NELL1: variants seen among roughly 807,000 people sequenced by gnomAD.
NELL1 encodes neural EGFL like 1, also known as protein kinase C-binding protein NELL1.
A neutral mutation model predicts 107.4 loss-of-function variants in NELL1; 76 were observed. The ratio of observed to expected loss-of-function variants is 0.71; its 90% CI spans 0.59 to 0.86. The LOEUF is 0.86. NELL1 is among the 40% of genes least tolerant of loss of function. NELL1 has a pLI of 0.00. For synonymous variants in NELL1, 353 were observed against 341.2 expected (o/e 1.03, Z -0.38); for missense variants, 1,024 against 1,005.5 (o/e 1.02, Z -0.25).
chr11:21,509,535 G>A (rs1161859291), intron 15 of NELL1, among the ~76,000 whole-genome samples: 1 of 152,064 alleles, frequency 6.6e-6, no homozygotes, highest in Non-Finnish European at 1.5e-5. Context: ...TTTTCAAGAT[G>A]GGTAAATATC....
At chr11:21,385,711 A>T (rs1851729821) in intron 15 of NELL1, among the ~76,000 whole-genome samples, 2 of 151,910 alleles carry the variant, frequency 1.3e-5, no homozygotes, top group Non-Finnish European at 2.9e-5. Flanking sequence ...TGCTGAAAAA[A>T]CTTAAATGGT....
At position 21,350,637 on chromosome 11, in the gene NELL1, G is replaced by T. The variant is rs764910613; in HGVS notation, c.1550-20216G>T. Among the ~76,000 whole-genome samples the T allele has an allele frequency of 3.9e-4, 60 of 152,256 alleles. 1 individual carries two copies. The Middle Eastern group carries it at 0.01, about 26-fold the overall frequency. ...GTTTTTTAAGTTTACTCTGGGATTT[G>T]TAATTAATTTATTCAATAAGGAGTG... On this transcript the variant is annotated intron_variant, in intron 14 of 19. Coordinates refer to ENST00000357134, the MANE Select transcript of NELL1 (RefSeq NM_006157.5).
chr11:20,869,258 TATG>T (rs1210120334), intron 4 of NELL1, among the ~76,000 whole-genome samples: 1 of 152,172 alleles, frequency 6.6e-6, no homozygotes, highest in African/African-American at 2.4e-5. Flanking sequence ...GAGCATTGTT[TATG>T]ATATCTATAT....
intron 15 of NELL1, among the ~76,000 whole-genome samples, chr11:21,415,958 A>G (rs1852509052): frequency 6.6e-6 from 1 of 151,990 alleles, no homozygotes; most frequent in Non-Finnish European, 1.5e-5. Context: ...GGACGGAGGG[A>G]AGCTTCTTGA....
intron 11 of NELL1, among the ~76,000 whole-genome samples, chr11:20,950,683 T>G (rs1385161344): frequency 1.3e-5 from 2 of 152,212 alleles, no homozygotes; most frequent in Admixed American, 6.5e-5. Flanking sequence ...GTAAAGTAAT[T>G]TGTATCCTGC....
intron 13 of NELL1, among the ~76,000 whole-genome samples, chr11:21,194,831 C>A (rs16907660): frequency 0.065 from 9,812 of 152,112 alleles, 297 homozygotes; most frequent in East Asian, 0.14. Flanking sequence ...GTATCATATG[C>A]AAAAGGTGCT....
intron 13 of NELL1, among the ~76,000 whole-genome samples, chr11:21,186,862 C>A (rs531405967): frequency 2.0e-5 from 3 of 151,834 alleles, no homozygotes; most frequent in African/African-American, 7.3e-5. Context: ...TTCTACAAAC[C>A]CTCAATCTGT....
At chr11:20,686,666 G>C (rs942753521) in intron 2 of NELL1, among the ~76,000 whole-genome samples, 7 of 152,106 alleles carry the variant, frequency 4.6e-5, no homozygotes, top group Non-Finnish European at 1.0e-4. Context: ...GAAACTCGGT[G>C]ATCAATATGA....
chr11:21,460,377 G>C (rs1853869992), intron 15 of NELL1, among the ~76,000 whole-genome samples: 1 of 152,088 alleles, frequency 6.6e-6, no homozygotes, highest in Non-Finnish European at 1.5e-5. Flanking sequence ...GCAATGTTAA[G>C]AGCCTGCAGC....
At chr11:21,371,840 A>T (rs1348806674) in intron 15 of NELL1, among the ~76,000 whole-genome samples, 2 of 152,034 alleles carry the variant, frequency 1.3e-5, no homozygotes. Context: ...GGTGCCAGAG[A>T]TATAAGCAAA....
At position 21,171,359 on chromosome 11, in the gene NELL1, G is replaced by A. The variant is rs376114605; in HGVS notation, c.1426+57645G>A. Among the ~76,000 whole-genome samples the A allele has an allele frequency of 6.6e-5, 10 of 151,670 alleles. 1 individual carries two copies. Among genetic ancestry groups the A allele is most frequent in the African/African-American group, 2.2e-4 (9 of 41,070 alleles). On this transcript the variant is annotated intron_variant, in intron 13 of 19. Coordinates refer to ENST00000357134, the MANE Select transcript of NELL1 (RefSeq NM_006157.5). ...GAGCAAAATTCATCTGTAATCTCACGACAAGAAATAATAATTGTTAACATT... is the reference window on the plus strand; with the variant it reads ...GAGCAAAATTCATCTGTAATCTCACAACAAGAAATAATAATTGTTAACATT...
intron 12 of NELL1, among the ~76,000 whole-genome samples, chr11:20,989,638 C>A (rs1045467541): frequency 1.3e-5 from 2 of 152,168 alleles, no homozygotes; most frequent in Admixed American, 6.5e-5. Flanking sequence ...CTGCCCTCAA[C>A]TATTCCCTTG....
intron 12 of NELL1, among the ~76,000 whole-genome samples, chr11:21,057,644 A>T (rs1323568747): frequency 6.6e-6 from 1 of 152,016 alleles, no homozygotes; most frequent in Non-Finnish European, 1.5e-5. Flanking sequence ...CAATGAAAAG[A>T]AATGAATATT....
intron 12 of NELL1, among the ~76,000 whole-genome samples, chr11:21,065,096 A>G (rs1853836481): frequency 6.6e-6 from 1 of 152,102 alleles, no homozygotes; most frequent in South Asian, 2.1e-4. Context: ...ATTTTTGAGC[A>G]CATACTTTCT....
intron 12 of NELL1, among the ~76,000 whole-genome samples, chr11:21,078,519 G>A (rs1854193635): frequency 6.6e-6 from 1 of 152,178 alleles, no homozygotes; most frequent in South Asian, 2.1e-4. Flanking sequence ...ATAGGAAATA[G>A]GCAGTCATGG....
intron 2 of NELL1, among the ~76,000 whole-genome samples, chr11:20,694,932 C>T (rs11025699): frequency 2.6e-5 from 4 of 151,726 alleles, no homozygotes; most frequent in Admixed American, 2.0e-4. Flanking sequence ...GAACATGGAA[C>T]GTTTCTTCAT....
At chr11:21,344,636 G>T (rs191961402) in intron 14 of NELL1, among the ~76,000 whole-genome samples, 31 of 152,198 alleles carry the variant, frequency 2.0e-4, no homozygotes. Context: ...TAACCTAATA[G>T]AAAGAGAATT....
chr11:20,785,998 A>T (rs1008163334), intron 3 of NELL1, among the ~76,000 whole-genome samples: 7 of 150,646 alleles, frequency 4.6e-5, no homozygotes, highest in African/African-American at 1.2e-4. Context: ...TAGGAGAGTC[A>T]TTTGATCATT....
intron 14 of NELL1, among the ~76,000 whole-genome samples, chr11:21,240,576 A>G (rs1858327343): frequency 6.6e-6 from 1 of 152,048 alleles, no homozygotes; most frequent in African/African-American, 2.4e-5. Flanking sequence ...AAGGACTGCA[A>G]GTAGACACAG....
Sources: gnomAD v4.1 joint callset for allele counts (sites outside exome capture counted in the v4.1 genomes callset) on GRCh38, gnomAD v4.1.1 for gene constraint, MANE v1.5 for transcripts, NCBI Gene and HGNC (gene_info 2026-07-23, HGNC 2026-07-21) for gene names.